TPST1: variants seen among roughly 807,000 people sequenced by gnomAD.
The protein encoded by TPST1 is protein-tyrosine sulfotransferase 1.
TPST1 carries 20 observed loss-of-function variants against 34.8 expected under a neutral mutation model. The ratio of observed to expected loss-of-function variants is 0.57; its 90% confidence interval spans 0.40 to 0.84. The LOEUF (loss-of-function observed/expected upper bound fraction) is 0.84. TPST1 is among the 40% of genes least tolerant of loss of function. The probability of loss-of-function intolerance (pLI) is 0.00; values close to 1 mark genes in which losing one functional copy is unlikely to be tolerated. For synonymous variants in TPST1, 152 were observed against 159.4 expected (o/e 0.95, Z 0.35); for missense variants, 353 against 455.5 (o/e 0.78, Z 2.05).
chr7:66,330,372 G>A (rs1397090936), intron 3 of TPST1, among the ~76,000 whole-genome samples: 1 of 152,142 alleles, frequency 6.6e-6, no homozygotes, highest in African/African-American at 2.4e-5. Context: ...TGAAGATGGT[G>A]AGGCTAAGAA....
chr7:66,276,272 ACTC>A (rs1790808540), intron 2 of TPST1, among the ~76,000 whole-genome samples: 1 of 147,682 alleles, frequency 6.8e-6, no homozygotes, highest in South Asian at 2.1e-4. Context: ...TTCTTCAAAG[ACTC>A]CTATTTTTCA....
At chr7:66,206,187 G>T (rs1202102613) in intron 1 of TPST1, among the ~76,000 whole-genome samples, 2 of 144,098 alleles carry the variant, frequency 1.4e-5, no homozygotes, top group African/African-American at 5.2e-5. Context: ...TCGAACTCCT[G>T]ACCTCAAGCT....
chr7:66,264,039 G>A (rs1790540819), intron 2 of TPST1, among the ~76,000 whole-genome samples: 1 of 152,214 alleles, frequency 6.6e-6, no homozygotes, highest in Non-Finnish European at 1.5e-5. Context: ...ACTGGAGGGA[G>A]CAGAACAGAC....
intron 1 of TPST1, among the ~76,000 whole-genome samples, chr7:66,232,201 ATTTTTTT>A (rs1319878540): frequency 8.8e-6 from 1 of 113,900 alleles, no homozygotes; most frequent in Non-Finnish European, 1.7e-5. Flanking sequence ...ATTAAAAAAA[ATTTTTTT>A]TTTTTTTTTT....
chr7:66,224,109 C>A (rs555802155), intron 1 of TPST1, among the ~76,000 whole-genome samples: 2 of 152,166 alleles, frequency 1.3e-5, no homozygotes, highest in East Asian at 1.9e-4. Flanking sequence ...CAGCCCCTAA[C>A]GTGCAGCTAG....
rs1296125981 is a variant in TPST1 at position 66,332,299 on chromosome 7, G to A, written c.1045-20206G>A. Among the ~76,000 whole-genome samples the A allele has an allele frequency of 1.3e-5, 2 of 149,526 alleles. No homozygotes were observed. Among genetic ancestry groups the A allele is most frequent in the African/African-American group, 2.5e-5 (1 of 40,594 alleles). On this transcript the variant is annotated intron_variant, in intron 3 of 5. Coordinates refer to ENST00000304842, the MANE Select transcript of TPST1 (RefSeq NM_003596.4). The surrounding 1 kb of genome is among the most constrained non-coding windows in gnomAD (Gnocchi z 4.5). ...TTTTTTTTTTTGAGATGAGAGTCTC[G>A]TTTGTGTTGCTCAGGCTGGAGTGCA...
intron 2 of TPST1, among the ~76,000 whole-genome samples, chr7:66,267,480 G>T (rs1246894947): frequency 6.6e-6 from 1 of 151,976 alleles, no homozygotes; most frequent in Non-Finnish European, 1.5e-5. Context: ...TACAAAGAAT[G>T]CAGGACTGGC....
chr7:66,330,452 T>C (rs759723284), intron 3 of TPST1, among the ~76,000 whole-genome samples: 13 of 152,206 alleles, frequency 8.5e-5, no homozygotes, highest in Admixed American at 3.9e-4. Flanking sequence ...AATTTCTCTG[T>C]CCTCTTACAT....
intron 2 of TPST1, among the ~76,000 whole-genome samples, chr7:66,243,758 C>G (rs1303010339): frequency 1.3e-5 from 2 of 150,998 alleles, no homozygotes; most frequent in Admixed American, 6.6e-5. Context: ...AGCCATACTT[C>G]TTTTTTAAAG....
intron 3 of TPST1, among the ~76,000 whole-genome samples, chr7:66,341,283 A>G (rs1378076017): frequency 6.6e-6 from 1 of 151,804 alleles, no homozygotes; most frequent in African/African-American, 2.4e-5. Flanking sequence ...AACACCTACA[A>G]ATTTTTGTTT....
At chr7:66,243,941 A>ATTT (rs55829208) in intron 2 of TPST1, among the ~76,000 whole-genome samples, 20 of 116,214 alleles carry the variant, frequency 1.7e-4, no homozygotes, top group Non-Finnish European at 1.8e-4. Flanking sequence ...ATTCTGGGAA[A>ATTT]TTTTTTTTTT....
At chr7:66,217,686 G>C (rs1789453451) in intron 1 of TPST1, among the ~76,000 whole-genome samples, 1 of 150,372 alleles carries the variant, frequency 6.7e-6, no homozygotes, top group African/African-American at 2.4e-5. Flanking sequence ...CTGGGTTCAA[G>C]CAATTCTCCT....
At chr7:66,345,751 G>T (rs1350794310) in intron 3 of TPST1, among the ~76,000 whole-genome samples, 1 of 151,872 alleles carries the variant, frequency 6.6e-6, no homozygotes, top group African/African-American at 2.4e-5. Context: ...TTTGATGCGG[G>T]TATACAATAT....
At chr7:66,246,054 AGGCT>A (rs1050319519) in intron 2 of TPST1, among the ~76,000 whole-genome samples, 24 of 151,622 alleles carry the variant, frequency 1.6e-4, no homozygotes, top group African/African-American at 4.6e-4. Flanking sequence ...TCCATCACCC[AGGCT>A]GGAGTATAGT....
intron 2 of TPST1, among the ~76,000 whole-genome samples, chr7:66,277,921 G>A (rs1438970706): frequency 4.0e-5 from 6 of 151,816 alleles, no homozygotes; most frequent in South Asian, 2.1e-4. Flanking sequence ...CCAACATGGC[G>A]AAACCCTGTC....
intron 2 of TPST1, among the ~76,000 whole-genome samples, chr7:66,283,269 AAAAC>A (rs1200701175): frequency 6.6e-6 from 1 of 152,144 alleles, no homozygotes; most frequent in Admixed American, 6.5e-5. Context: ...TCAAAAAACA[AAAAC>A]AAAAAAAACC....
At chr7:66,214,783 C>T (rs1441846493) in intron 1 of TPST1, among the ~76,000 whole-genome samples, 3 of 149,446 alleles carry the variant, frequency 2.0e-5, no homozygotes, top group South Asian at 2.1e-4. Flanking sequence ...CCAGCCTGGG[C>T]GACAGTGTGA....
chr7:66,325,193 A>G (rs1297788862), intron 3 of TPST1, among the ~76,000 whole-genome samples: 2 of 152,292 alleles, frequency 1.3e-5, no homozygotes, highest in East Asian at 1.9e-4. Context: ...GAAGAGCCCC[A>G]TATAAAACCA....
intron 2 of TPST1, among the ~76,000 whole-genome samples, chr7:66,282,301 T>C (rs1790947637): frequency 6.6e-6 from 1 of 152,226 alleles, no homozygotes; most frequent in South Asian, 2.1e-4. Flanking sequence ...AAACTTTTTC[T>C]GTAAAGGGCC....
Sources: gnomAD v4.1 joint callset for allele counts (sites outside exome capture counted in the v4.1 genomes callset) on GRCh38, gnomAD v4.1.1 for gene constraint, Gnocchi (gnomAD v3.1) non-coding constraint, MANE v1.5 for transcripts, NCBI Gene and HGNC (gene_info 2026-07-23, HGNC 2026-07-21) for gene names.